The following AK3 variants were observed in gnomAD, a reference collection of about 807,000 sequenced individuals.
The protein encoded by AK3 is GTP:AMP phosphotransferase AK3, mitochondrial.
In AK3, 27 loss-of-function variants were observed where a neutral mutation model predicts 23.7. The ratio of observed to expected loss-of-function variants is 1.14; its 90% CI spans 0.84 to 1.57. AK3 has a LOEUF of 1.57. Ranked by LOEUF, AK3 falls within the 40% of genes most tolerant of loss-of-function variation. AK3 has a pLI of 0.00. For missense variants in AK3, 406 were observed against 285.6 expected, an observed-to-expected ratio of 1.42 and a Z score of -3.04; for synonymous variants, 159 against 116.0, an observed-to-expected ratio of 1.37 and a Z score of -2.38.
In AK3 at chr9:4,741,089, G is replaced by A. The variant is rs200329877; in HGVS notation, c.-2C>T. ...CAGCAGCCGCGCGGACGCCCCCATGGCCGCAGACTGAGGCCCGCACCGCGC... is the reference window on the plus strand; with the variant it reads ...CAGCAGCCGCGCGGACGCCCCCATGACCGCAGACTGAGGCCCGCACCGCGC... On this transcript the variant is annotated 5_prime_UTR_variant, in exon 1 of 5. Transcript: ENST00000381809. 2.0e-5 allele frequency: 31 copies of A among 1,531,964 alleles called. No individual in the cohort carries two copies. The highest frequency in any genetic ancestry group is 2.6e-5 in the East Asian group (1 of 38,160). 94.9% of individuals were successfully genotyped at this position (1,531,964 alleles called of 1,614,324 possible).
chr9:4,740,060 CAAAAAA>C (rs1166971578), intron 1 of AK3, among the ~76,000 whole-genome samples: 1 of 113,372 alleles, frequency 8.8e-6, no homozygotes, highest in East Asian at 2.5e-4. Flanking sequence ...GCTATCCTTA[CAAAAAA>C]AAAAAAAAAA....
rs183888457 is a variant in AK3, at chr9:4,739,404, G to C, written c.151+1533C>G. 2.2e-4 allele frequency among the ~76,000 whole-genome samples: 33 copies of C among 151,084 alleles called. No homozygotes were observed. The East Asian group carries it at 6.1e-3, about 28-fold the overall frequency. On this transcript the variant is annotated intron_variant, in intron 1 of 4. Transcript: ENST00000381809. ...AGACGCAGTTTCACCAAGTAGCCCA[G>C]GCTGGTCTAGAACTGCTAAGGTCAA...
intron 1 of AK3, among the ~76,000 whole-genome samples, chr9:4,739,430 G>C (rs1842372454): frequency 6.6e-6 from 1 of 151,018 alleles, no homozygotes; most frequent in African/African-American, 2.4e-5. Context: ...CTAAGGTCAA[G>C]TGATCCGCCC....
At chr9:4,734,730 G>C (rs1381218854) in intron 1 of AK3, among the ~76,000 whole-genome samples, 1 of 152,160 alleles carries the variant, frequency 6.6e-6, no homozygotes, top group Non-Finnish European at 1.5e-5. Context: ...TAAGATAACA[G>C]AAAAAGAGAA....
intron 2 of AK3, among the ~76,000 whole-genome samples, chr9:4,720,924 T>C (rs1841879424): frequency 6.6e-6 from 1 of 152,110 alleles, no homozygotes; most frequent in African/African-American, 2.4e-5. Context: ...CCTACCTTGG[T>C]TTACCTTGTT....
chr9:4,728,636 G>A (rs1224078978), intron 1 of AK3, among the ~76,000 whole-genome samples: 3 of 151,908 alleles, frequency 2.0e-5, no homozygotes, highest in Non-Finnish European at 4.4e-5. Flanking sequence ...CTCATATATT[G>A]CTGGTAGCAT....
chr9:4,718,440 T>A lies in AK3; in HGVS notation c.542A>T (p.Lys181Met). Residue 181 changes from lysine to methionine, a missense_variant, in exon 4 of 5, where the codon AAG becomes ATG. Transcript: ENST00000381809. Reference protein sequence around the residue: ...KRLKAYEDQTKPVLEYYQKKG... With the variant: ...KRLKAYEDQTMPVLEYYQKKG... ...TCACTGGTAATATTCCAGGACTGGC[T>A]TTGTTTGGTCTTCATAAGCCTTTAG... The A allele has an allele frequency of 1.9e-6, 3 of 1,612,696 alleles. No homozygotes were observed. Among genetic ancestry groups the A allele is most frequent in the African/African-American group, 2.7e-5 (2 of 75,014 alleles).
intron 4 of AK3, 127 bp from the exon 5 acceptor site, chr9:4,713,223 A>G: frequency 3.2e-6 from 4 of 1,263,044 alleles, no homozygotes; most frequent in South Asian, 2.0e-5. Flanking sequence ...GATTTGTGTA[A>G]TCAGGAGAGA....
chr9:4,726,100 T>C (rs1396878764), intron 1 of AK3, among the ~76,000 whole-genome samples: 1 of 152,198 alleles, frequency 6.6e-6, no homozygotes, highest in African/African-American at 2.4e-5. Flanking sequence ...TAAAATAGTT[T>C]TATTGCTAAA....
chr9:4,730,088 T>C (rs1213908351), intron 1 of AK3, among the ~76,000 whole-genome samples: 1 of 152,150 alleles, frequency 6.6e-6, no homozygotes, highest in Non-Finnish European at 1.5e-5. Flanking sequence ...AGACTATATA[T>C]CGTATGATTC....
chr9:4,719,148 G>T lies in AK3; in HGVS notation c.431C>A (p.Pro144His). 3 of 1,611,858 alleles carry T rather than the reference G, an allele frequency of 1.9e-6. No homozygotes were observed. The highest frequency in any genetic ancestry group is 2.5e-6 in the Non-Finnish European group (3 of 1,179,824). Reference sequence around the variant, plus strand: ...ACAACTACTCACCACAGTTTTGGGAGGGTTGAATTCAATGTTATAGACTCG... The same window carrying T: ...ACAACTACTCACCACAGTTTTGGGATGGTTGAATTCAATGTTATAGACTCG... ...SGRVYNIEFNPPKTVGIDDLT... is the reference protein window; with the variant it reads ...SGRVYNIEFNHPKTVGIDDLT... Residue 144 changes from proline (P) to histidine (H), a missense_variant, in exon 3 of 5, where the codon CCT (proline) becomes CAT (histidine). Coordinates refer to ENST00000381809, the MANE Select transcript of AK3 (RefSeq NM_016282.4).
chr9:4,737,265 G>A (rs547524702), intron 1 of AK3, among the ~76,000 whole-genome samples: 16 of 148,606 alleles, frequency 1.1e-4, no homozygotes, highest in Non-Finnish European at 2.1e-4. Context: ...TAAATAAAAA[G>A]TTTTTGTCTA....
rs35400602 is a variant in AK3 at position 4,715,391 on chromosome 9, CT to C, written c.564-2296del. 3.3e-3 allele frequency among the ~76,000 whole-genome samples: 414 copies of C among 127,094 alleles called. 2 individuals carry two copies. Among genetic ancestry groups the C allele is most frequent in the East Asian group, 6.4e-3 (28 of 4,386 alleles). The allele number at this position is 127,094 out of a possible 152,430, so 83.4% of individuals were successfully genotyped here. A position where few individuals can be genotyped will look rare whatever the true frequency, so the allele number is the denominator to read the frequency against. ...CAGCTTTCCTTAACTTCCCTTACTA[CT>C]TTTTTTTTTTTTTTTTTTAAGACAG... On this transcript the variant is annotated intron_variant, in intron 4 of 4. Transcript: ENST00000381809.
At chr9:4,734,318 A>ATTATGTGGTT (rs2130908508) in intron 1 of AK3, among the ~76,000 whole-genome samples, 1 of 151,844 alleles carries the variant, frequency 6.6e-6, no homozygotes, top group Admixed American at 6.6e-5. Flanking sequence ...CTATAAGAAA[A>ATTATGTGGTT]TAAGCCCCCT....
intron 1 of AK3, among the ~76,000 whole-genome samples, chr9:4,730,657 G>C (rs1310012561): frequency 3.9e-5 from 6 of 152,060 alleles, no homozygotes; most frequent in African/African-American, 1.4e-4. Flanking sequence ...TTTATATATA[G>C]ATAGATAATC....
At chr9:4,729,685 G>T (rs1842109804) in intron 1 of AK3, among the ~76,000 whole-genome samples, 1 of 151,836 alleles carries the variant, frequency 6.6e-6, no homozygotes, top group South Asian at 2.1e-4. Flanking sequence ...AAAAAATACG[G>T]GCATGGTGGT....
intron 1 of AK3, among the ~76,000 whole-genome samples, chr9:4,729,533 C>T (rs1219877716): frequency 6.6e-6 from 1 of 151,908 alleles, no homozygotes; most frequent in African/African-American, 2.4e-5. Context: ...GCTATATGCC[C>T]ATGAGAAATA....
intron 1 of AK3, among the ~76,000 whole-genome samples, chr9:4,734,823 A>G (rs1842232443): frequency 6.6e-6 from 1 of 152,242 alleles, no homozygotes; most frequent in African/African-American, 2.4e-5. Flanking sequence ...CAGCGATAAA[A>G]AAGAATGAAG....
At chr9:4,721,879 C>A (rs1364908632) in intron 2 of AK3, among the ~76,000 whole-genome samples, 3 of 152,180 alleles carry the variant, frequency 2.0e-5, no homozygotes, top group Non-Finnish European at 4.4e-5. Flanking sequence ...ACTTCAGAAC[C>A]TTCTTAGATA....
Sources: gnomAD v4.1 joint callset for allele counts (sites outside exome capture counted in the v4.1 genomes callset) on GRCh38, gnomAD v4.1.1 for gene constraint, MANE v1.5 for transcripts, NCBI Gene and HGNC (gene_info 2026-07-23, HGNC 2026-07-21) for gene names.